RBMS3: variants seen among roughly 807,000 people sequenced by gnomAD.
RBMS3 encodes the protein RNA-binding motif, single-stranded-interacting protein 3.
Under a neutral mutation model 66.8 loss-of-function variants are expected in RBMS3, and 27 were observed. The ratio of observed to expected loss-of-function variants is 0.40; its 90% CI spans 0.30 to 0.56. The LOEUF is 0.56. RBMS3 is among the 20% of genes least tolerant of loss of function. The pLI is 0.40. For missense variants in RBMS3, 513 were observed against 549.5 expected (o/e 0.93, Z 0.66); for synonymous variants, 188 against 183.0 (o/e 1.03, Z -0.22).
chr3:29,935,452 G>C (rs2061242151), intron 10 of RBMS3, among the ~76,000 whole-genome samples: 1 of 152,100 alleles, frequency 6.6e-6, no homozygotes, highest in Admixed American at 6.6e-5. Flanking sequence ...CTCTAACAGA[G>C]TTTGGTATTC....
intron 3 of RBMS3, among the ~76,000 whole-genome samples, chr3:29,527,144 G>A (rs959352054): frequency 4.7e-5 from 6 of 127,040 alleles, no homozygotes; most frequent in African/African-American, 1.8e-4. Flanking sequence ...GACCCAACGA[G>A]TGACAATAGG....
rs550404989 is a variant in RBMS3 at position 30,004,208 on chromosome 3, CT to C, written c.*361del. The C allele has an allele frequency of 0.056, 8,202 of 146,856 alleles. 118 individuals carry two copies. The highest frequency in any genetic ancestry group is 0.072 in the South Asian group (316 of 4,368). The allele number at this position is 146,856 out of a possible 1,614,324, so 9.1% of individuals were successfully genotyped here. A position where few individuals can be genotyped will look rare whatever the true frequency, so the allele number is the denominator to read the frequency against. On this transcript the variant is annotated 3_prime_UTR_variant, in exon 15 of 15. Coordinates refer to ENST00000383767, the MANE Select transcript of RBMS3 (RefSeq NM_001003793.3). ...CAGAATTTTTCTGAAGGTGTAGATA[CT>C]TTTTTTTTTTTTTTAACAGAAAACC...
intron 3 of RBMS3, among the ~76,000 whole-genome samples, chr3:29,554,688 TTTTGA>T (rs2046286408): frequency 6.6e-6 from 1 of 152,100 alleles, no homozygotes; most frequent in Non-Finnish European, 1.5e-5. Flanking sequence ...GATCAGGGCA[TTTTGA>T]GCTAAAATAA....
At chr3:29,595,021 A>G (rs957829917) in intron 4 of RBMS3, among the ~76,000 whole-genome samples, 15 of 152,310 alleles carry the variant, frequency 9.8e-5, no homozygotes, top group African/African-American at 3.6e-4. Context: ...GAATTGCCTC[A>G]GTGTCTTAAA....
At chr3:29,841,245 T>C (rs2149503630) in intron 6 of RBMS3, among the ~76,000 whole-genome samples, 1 of 152,070 alleles carries the variant, frequency 6.6e-6, no homozygotes, top group East Asian at 1.9e-4. Flanking sequence ...TAGCCCTCGA[T>C]TTGTTGTGTG....
chr3:29,705,123 C>A (rs774296100), intron 4 of RBMS3, among the ~76,000 whole-genome samples: 1 of 152,154 alleles, frequency 6.6e-6, no homozygotes, highest in South Asian at 2.1e-4. Context: ...CCCATGTCCA[C>A]GGTGAATAAC....
At chr3:29,780,112 T>C (rs2149408127) in intron 6 of RBMS3, among the ~76,000 whole-genome samples, 1 of 152,118 alleles carries the variant, frequency 6.6e-6, no homozygotes, top group East Asian at 1.9e-4. Flanking sequence ...AGGTTGATGC[T>C]TTTTGAAACA....
chr3:29,707,119 T>C (rs1295053271), intron 4 of RBMS3, among the ~76,000 whole-genome samples: 6 of 152,196 alleles, frequency 3.9e-5, no homozygotes, highest in African/African-American at 1.4e-4. Context: ...TGCTTGAAAT[T>C]AATGTCTTTC....
chr3:29,987,816 A>G (rs73829219), intron 12 of RBMS3, among the ~76,000 whole-genome samples: 2,269 of 152,020 alleles, frequency 0.015, 62 homozygotes, highest in African/African-American at 0.052. Context: ...ATCATCCCCA[A>G]CTCTCCTGGA....
chr3:29,588,680 A>T (rs1480750062), intron 4 of RBMS3, among the ~76,000 whole-genome samples: 2 of 152,088 alleles, frequency 1.3e-5, no homozygotes, highest in African/African-American at 4.8e-5. Context: ...CATCAAGATT[A>T]TGCCTAGAAG....
At chr3:29,583,871 C>T (rs1295522130) in intron 3 of RBMS3, among the ~76,000 whole-genome samples, 1 of 151,936 alleles carries the variant, frequency 6.6e-6, no homozygotes, top group Non-Finnish European at 1.5e-5. Context: ...CCTACCCTAG[C>T]TTCACACTGG....
At chr3:29,935,800 T>C (rs1164582677) in intron 10 of RBMS3, among the ~76,000 whole-genome samples, 2 of 152,104 alleles carry the variant, frequency 1.3e-5, no homozygotes, top group Non-Finnish European at 2.9e-5. Context: ...AGGATATAGA[T>C]GATTTTCAAT....
chr3:29,865,043 A>C (rs944975911), intron 6 of RBMS3, among the ~76,000 whole-genome samples: 2 of 123,388 alleles, frequency 1.6e-5, no homozygotes, highest in Admixed American at 8.3e-5. Context: ...GGAGGGAGGA[A>C]GGAGGGAAGG....
chr3:29,434,742 G>A lies in RBMS3; in HGVS notation c.76-1G>A, dbSNP rs1451721222. 2 of 1,610,606 alleles carry A rather than the reference G, an allele frequency of 1.2e-6. No individual in the cohort carries two copies. Among genetic ancestry groups the A allele is most frequent in the Non-Finnish European group, 1.7e-6 (2 of 1,178,512 alleles). On this transcript the variant is annotated splice_acceptor_variant, in intron 1 of 14. Transcript: ENST00000383767. LOFTEE classifies it high-confidence loss of function. ...CCAGTAACAGCTTTTTCTGTTTCCA[G>A]CAGTCCTATGCACCAGCTCCCCACC...
intron 4 of RBMS3, among the ~76,000 whole-genome samples, chr3:29,729,381 CTA>C (rs1402693982): frequency 1.3e-5 from 2 of 152,090 alleles, no homozygotes; most frequent in African/African-American, 4.8e-5. Context: ...TTAATCCTGT[CTA>C]TCATTGATGG....
intron 4 of RBMS3, among the ~76,000 whole-genome samples, chr3:29,688,201 C>A (rs1367474446): frequency 6.6e-6 from 1 of 152,052 alleles, no homozygotes; most frequent in Non-Finnish European, 1.5e-5. Flanking sequence ...TTAGCCAGTA[C>A]CACATCCTGA....
chr3:29,930,998 C>T (rs993969248), intron 10 of RBMS3, among the ~76,000 whole-genome samples: 1 of 152,040 alleles, frequency 6.6e-6, no homozygotes, highest in South Asian at 2.1e-4. Flanking sequence ...ATCATTCTTT[C>T]GGTGAACTCT....
chr3:29,623,059 C>A (rs928923307), intron 4 of RBMS3, among the ~76,000 whole-genome samples: 2 of 143,422 alleles, frequency 1.4e-5, no homozygotes, highest in South Asian at 4.5e-4. Context: ...TGCAGTGAGC[C>A]GAGATCGTAC....
intron 1 of RBMS3, among the ~76,000 whole-genome samples, chr3:29,407,240 A>G (rs1216391950): frequency 3.9e-5 from 6 of 152,206 alleles, no homozygotes; most frequent in African/African-American, 1.4e-4. Context: ...CTGGATTATC[A>G]CAACTGCCTA....
Sources: allele counts gnomAD v4.1 joint callset (sites outside exome capture counted in the v4.1 genomes callset), GRCh38; gene constraint gnomAD v4.1.1; transcripts MANE v1.5; gene names NCBI Gene and HGNC (gene_info 2026-07-23, HGNC 2026-07-21).